Variants in NRG2 observed in about 807,000 individuals in gnomAD.
The protein encoded by NRG2 is neuregulin 2, also known as pro-neuregulin-2, membrane-bound isoform.
In NRG2, 27 loss-of-function variants were observed where a neutral mutation model predicts 73.9. The observed-to-expected ratio is 0.37, with a 90% CI of 0.27 to 0.50. The LOEUF (loss-of-function observed/expected upper bound fraction) is 0.50. NRG2 is among the 20% of genes least tolerant of loss of function. The pLI, the probability that NRG2 is intolerant of heterozygous loss-of-function variation, is 0.96. For missense variants in NRG2, 1,126 were observed against 1,210.1 expected (o/e 0.93, Z 1.03); for synonymous variants, 532 against 541.0 (o/e 0.98, Z 0.23).
At chr5:139,873,956 G>A (rs1029629492) in intron 3 of NRG2, among the ~76,000 whole-genome samples, 2 of 152,230 alleles carry the variant, frequency 1.3e-5, no homozygotes, top group Non-Finnish European at 2.9e-5. Context: ...TGGGGACGAG[G>A]CTGGGACCCC....
chr5:139,966,994 T>C (rs1328467948), intron 1 of NRG2, among the ~76,000 whole-genome samples: 2 of 152,052 alleles, frequency 1.3e-5, no homozygotes, highest in Non-Finnish European at 2.9e-5. Flanking sequence ...CCCCAGTGGC[T>C]CCACATCAAT....
chr5:139,938,905 A>AAAAGAAAGAAAG (rs1164805368), intron 1 of NRG2, among the ~76,000 whole-genome samples: 952 of 75,520 alleles, frequency 0.013, 12 homozygotes, highest in East Asian at 0.05. Context: ...AGAAAGAAAG[A>AAAAGAAAGAAAG]AAAGAAAGAA....
intron 1 of NRG2, among the ~76,000 whole-genome samples, chr5:140,014,779 C>A (rs1272183720): frequency 1.3e-5 from 2 of 152,172 alleles, no homozygotes; most frequent in Non-Finnish European, 2.9e-5. Flanking sequence ...ACTTTGTGAT[C>A]CCTTTCAAAT....
chr5:139,880,361 C>A (rs554509724), intron 3 of NRG2, among the ~76,000 whole-genome samples: 1 of 152,114 alleles, frequency 6.6e-6, no homozygotes, highest in African/African-American at 2.4e-5. Context: ...GATGGCCTGT[C>A]GGGGAGGAGT....
chr5:139,982,361 C>G lies in NRG2; in HGVS notation c.700+60009G>C, dbSNP rs73791261. Among the ~76,000 whole-genome samples, 1,059 of 152,194 alleles carry G rather than the reference C, an allele frequency of 7.0e-3. 7 individuals carry two copies. Among genetic ancestry groups the G allele is most frequent in the African/African-American group, 0.024 (1,008 of 41,502 alleles). On this transcript the variant is annotated intron_variant, in intron 1 of 9. Transcript: ENST00000361474. The stretch of plus-strand genomic sequence containing the variant: ...AAAGCTGCTCCTTTCCACCTCCCTG[C>G]CCTCTTTACGGTGGATCCAAACCGC...
intron 1 of NRG2, among the ~76,000 whole-genome samples, chr5:139,943,272 G>A (rs543742879): frequency 2.6e-5 from 4 of 152,014 alleles, no homozygotes; most frequent in East Asian, 1.9e-4. Context: ...TCAGCCTCCC[G>A]AGTAGCTGAG....
rs188851425 is a variant in NRG2, at chr5:140,011,660, C to T, written c.700+30710G>A. On this transcript the variant is annotated intron_variant, in intron 1 of 9. Coordinates refer to ENST00000361474, the MANE Select transcript of NRG2 (RefSeq NM_004883.3). The stretch of plus-strand genomic sequence containing the variant: ...TCGAGGACCTGAAGCCTGCCAATGG[C>T]CACATGAATGAGTCTGAAAGACCAC... Among the ~76,000 whole-genome samples the T allele has an allele frequency of 2.6e-5, 4 of 152,266 alleles. No individual in the cohort carries two copies. The East Asian group carries it at 5.8e-4, about 22-fold the overall frequency.
chr5:140,025,130 T>G (rs530856938), intron 1 of NRG2, among the ~76,000 whole-genome samples: 22 of 152,296 alleles, frequency 1.4e-4, no homozygotes, highest in Non-Finnish European at 2.8e-4. Context: ...AAGGCCTGAT[T>G]AGTACCCTCT....
In NRG2 at chr5:139,857,854, A is replaced by G. The variant is rs149354864; in HGVS notation, c.1190-2076T>C. Among the ~76,000 whole-genome samples, 97 of 152,068 alleles carry G rather than the reference A, an allele frequency of 6.4e-4. 1 individual carries two copies. Among genetic ancestry groups the G allele is most frequent in the Admixed American group, 4.2e-3 (64 of 15,284 alleles). On this transcript the variant is annotated intron_variant, in intron 5 of 9. Transcript: ENST00000361474. ...CTACCCTAATGCCGGATCCAGCCGC[A>G]AGTCCTCGCAGCTCTGCTTCCCAAG... is the stretch of plus-strand genomic sequence containing the variant.
chr5:140,017,481 A>C (rs265143), intron 1 of NRG2, among the ~76,000 whole-genome samples: 36,468 of 152,038 alleles, frequency 0.24, 4,719 homozygotes, highest in African/African-American at 0.33. Flanking sequence ...ATGGAAGAAA[A>C]CCTCAGAGAG....
Position 139,865,278 on chromosome 5 carries a change from A to G in NRG2, c.1189+271T>C. The G allele has an allele frequency of 1.0e-6, 1 of 957,424 alleles. No individual in the cohort carries two copies. The allele number at this position is 957,424 out of a possible 1,614,324, so 59.3% of individuals were successfully genotyped here. A position where few individuals can be genotyped will look rare whatever the true frequency, so the allele number is the denominator to read the frequency against. On this transcript the variant is annotated intron_variant, in intron 5 of 9. Coordinates refer to ENST00000361474, the MANE Select transcript of NRG2 (RefSeq NM_004883.3). This position sits in a 1 kb window ranked among gnomAD's most constrained non-coding sequence, Gnocchi z 5.2. ...GCCAATGCCAGCTGGGTTCCTTGCC[A>G]CCGTTACCATTTGTATTGGCCTTGC... is the stretch of plus-strand genomic sequence containing the variant.
intron 1 of NRG2, among the ~76,000 whole-genome samples, chr5:139,973,767 T>C (rs936016934): frequency 2.0e-5 from 3 of 152,248 alleles, no homozygotes; most frequent in Non-Finnish European, 4.4e-5. Context: ...ACAGATTCAG[T>C]GTCTGGTGAG....
chr5:139,849,849 T>A (rs1581759761), intron 9 of NRG2, among the ~76,000 whole-genome samples: 1 of 152,092 alleles, frequency 6.6e-6, no homozygotes. Context: ...CACCCCAGGG[T>A]CTCTCCTCCT....
chr5:140,023,867 G>C (rs765111150), intron 1 of NRG2, among the ~76,000 whole-genome samples: 1 of 152,018 alleles, frequency 6.6e-6, no homozygotes, highest in South Asian at 2.1e-4. Flanking sequence ...CATATGGTTC[G>C]CCCAGCCCTG....
intron 5 of NRG2, among the ~76,000 whole-genome samples, chr5:139,863,072 A>G (rs1015982661): frequency 2.6e-5 from 4 of 152,218 alleles, no homozygotes; most frequent in Admixed American, 6.5e-5. Flanking sequence ...TTGTGCTCCA[A>G]TCACAATGGC....
chr5:139,881,247 T>C (rs1030219014), intron 2 of NRG2, among the ~76,000 whole-genome samples: 1 of 152,202 alleles, frequency 6.6e-6, no homozygotes, highest in Non-Finnish European at 1.5e-5. Context: ...TCCGCTCTTC[T>C]AGGGCTGGAC....
At chr5:140,030,135 T>C (rs996948626) in intron 1 of NRG2, among the ~76,000 whole-genome samples, 5 of 152,146 alleles carry the variant, frequency 3.3e-5, no homozygotes, top group African/African-American at 1.2e-4. Context: ...TTCTCCCTCT[T>C]ACAATGACAA....
chr5:139,861,551 C>T (rs1313450944), intron 5 of NRG2, among the ~76,000 whole-genome samples: 2 of 152,228 alleles, frequency 1.3e-5, no homozygotes, highest in Admixed American at 6.5e-5. Context: ...GCATTCATTA[C>T]TCCCAGCTTT....
intron 1 of NRG2, among the ~76,000 whole-genome samples, chr5:139,975,676 G>T (rs1756331727): frequency 6.6e-6 from 1 of 152,158 alleles, no homozygotes; most frequent in Non-Finnish European, 1.5e-5. Flanking sequence ...GCTGGGCTGG[G>T]CTGAGACTGT....
Sources: gnomAD v4.1 joint callset for allele counts (sites outside exome capture counted in the v4.1 genomes callset) on GRCh38, gnomAD v4.1.1 for gene constraint, Gnocchi (gnomAD v3.1) non-coding constraint, MANE v1.5 for transcripts, NCBI Gene and HGNC (gene_info 2026-07-23, HGNC 2026-07-21) for gene names.